DPH5: variants seen among roughly 807,000 people sequenced by gnomAD.
DPH5 encodes the protein diphthine methyl ester synthase.
DPH5 carries 31 observed loss-of-function variants against 31.6 expected under a neutral mutation model. That is an observed-to-expected ratio of 0.98 (90% CI 0.74 to 1.32). DPH5 has a LOEUF of 1.32. Ranked by LOEUF, DPH5 falls within the 40% of genes most tolerant of loss-of-function variation. The probability of loss-of-function intolerance (pLI) is 0.00; values close to 1 mark genes in which losing one functional copy is unlikely to be tolerated. For missense variants in DPH5, 309 were observed against 335.7 expected (o/e 0.92, Z 0.62); for synonymous variants, 120 against 115.0 (o/e 1.04, Z -0.28).
chr1:101,010,842 G>T (rs1659573717), intron 4 of DPH5, among the ~76,000 whole-genome samples: 2 of 152,138 alleles, frequency 1.3e-5, no homozygotes. Context: ...AGACAACACA[G>T]TTCTTTCACT....
chr1:100,989,678 T>G lies in DPH5; in HGVS notation c.*730A>C, dbSNP rs1657497546. ...CTTTTCTTGGCACTCATAACATTTTTTACCCTTTAAAACAGATTCAAGTGA... is the reference window on the plus strand; with the variant it reads ...CTTTTCTTGGCACTCATAACATTTTGTACCCTTTAAAACAGATTCAAGTGA... On this transcript the variant is annotated 3_prime_UTR_variant, in exon 8 of 8. Transcript: ENST00000370109. 6.6e-6 allele frequency: 1 copy of G among 152,340 alleles called. No individual in the cohort carries two copies. The highest frequency in any genetic ancestry group is 1.9e-4 in the East Asian group (1 of 5,184). 9.4% of individuals were successfully genotyped at this position (152,340 alleles called of 1,614,324 possible). A position where few individuals can be genotyped will look rare whatever the true frequency, so the allele number is the denominator to read the frequency against.
At chr1:100,990,673 C>A (rs1252123374) in intron 7 of DPH5, 42 bp from the exon 8 acceptor site, 3 of 1,570,460 alleles carry the variant, frequency 1.9e-6, no homozygotes, top group African/African-American at 2.7e-5. Context: ...TCAGCAAATG[C>A]ATCATCCATC....
At chr1:101,005,637 A>T (rs958423993) in intron 4 of DPH5, among the ~76,000 whole-genome samples, 1 of 152,204 alleles carries the variant, frequency 6.6e-6, no homozygotes, top group African/African-American at 2.4e-5. Flanking sequence ...TACAGCATAT[A>T]ATTTCAAAGA....
rs765340039 is a variant in DPH5 at position 100,990,638 on chromosome 1, A to G, written c.635-7T>C. Reference sequence around the variant, plus strand: ...AGTGTCTCCTCGGTAACTGCTATTAAAAAAAAAAGATACTGCTATTCAATT... The same window carrying G: ...AGTGTCTCCTCGGTAACTGCTATTAGAAAAAAAAGATACTGCTATTCAATT... On this transcript the variant is annotated splice_region_variant and splice_polypyrimidine_tract_variant and intron_variant, in intron 7 of 7. Transcript: ENST00000370109. The G allele has an allele frequency of 2.5e-6, 4 of 1,610,190 alleles. No individual in the cohort carries two copies. The highest frequency in any genetic ancestry group is 2.7e-5 in the African/African-American group (2 of 74,446).
At chr1:101,005,654 C>T (rs530836743) in intron 4 of DPH5, among the ~76,000 whole-genome samples, 12 of 152,096 alleles carry the variant, frequency 7.9e-5, no homozygotes, top group Middle Eastern at 3.4e-3. Flanking sequence ...AAGACAAGAT[C>T]GAACTCCAGG....
At chr1:101,020,116 T>G (rs1660341743) in intron 3 of DPH5, among the ~76,000 whole-genome samples, 1 of 152,168 alleles carries the variant, frequency 6.6e-6, no homozygotes, top group Non-Finnish European at 1.5e-5. Flanking sequence ...ATGGGAGCAA[T>G]TAATTACATC....
chr1:100,993,323 C>T (rs946610166), intron 6 of DPH5, among the ~76,000 whole-genome samples: 9 of 151,546 alleles, frequency 5.9e-5, no homozygotes, highest in East Asian at 3.9e-4. Context: ...GAGGCAGAGG[C>T]GGGTGGATCA....
intron 5 of DPH5, among the ~76,000 whole-genome samples, chr1:101,000,308 A>G (rs559054383): frequency 4.0e-4 from 61 of 152,342 alleles, no homozygotes; most frequent in Non-Finnish European, 7.9e-4. Context: ...AACACAGTAC[A>G]ATTCAAAGTA....
chr1:101,014,982 G>GT (rs1439398214), intron 3 of DPH5, among the ~76,000 whole-genome samples: 1 of 152,086 alleles, frequency 6.6e-6, no homozygotes, highest in Non-Finnish European at 1.5e-5. Context: ...AGTTCTCTTG[G>GT]TATTTCTACC....
intron 4 of DPH5, among the ~76,000 whole-genome samples, chr1:101,001,924 G>A (rs1192667937): frequency 2.0e-5 from 3 of 152,068 alleles, no homozygotes; most frequent in Non-Finnish European, 4.4e-5. Context: ...AGAGTTCTGA[G>A]CAATCAGAGC....
chr1:101,015,070 A>C (rs1261481172), intron 3 of DPH5, among the ~76,000 whole-genome samples: 1 of 152,154 alleles, frequency 6.6e-6, no homozygotes, highest in East Asian at 1.9e-4. Flanking sequence ...ACCCCTCCCA[A>C]ACTCCCATTA....
At chr1:101,022,644 AC>A (rs1244998679) in intron 2 of DPH5, among the ~76,000 whole-genome samples, 5 of 152,132 alleles carry the variant, frequency 3.3e-5, no homozygotes, top group African/African-American at 1.2e-4. Flanking sequence ...GATAAATAAT[AC>A]GGTTTCTTAC....
Position 101,013,779 on chromosome 1 carries a change from C to G in DPH5, c.300G>C (p.Lys100Asn), listed in dbSNP as rs1413397341. 6.2e-7 allele frequency: 1 copy of G among 1,613,120 alleles called. No homozygotes were observed. Among genetic ancestry groups the G allele is most frequent in the East Asian group, 2.2e-5 (1 of 44,862 alleles). The change falls in exon 4 of 8, where the codon AAG (lysine) becomes AAC (asparagine). Residue 100 changes from lysine to asparagine, a missense_variant. By Grantham distance (94) the Lys-to-Asn change is moderately conservative. Transcript: ENST00000370109. ...THSDLVLRAT[K>N]LGIPYRVIHN... ...GAATAACTCTATAAGGAATTCCCAG[C>G]TTTGTTGCTCTTAGAACAAGATCAC...
chr1:101,023,885 G>A (rs1289856942), intron 2 of DPH5, among the ~76,000 whole-genome samples: 1 of 152,156 alleles, frequency 6.6e-6, no homozygotes, highest in East Asian at 1.9e-4. Context: ...ACATTAACAT[G>A]TAACAAAGAT....
At chr1:100,999,974 C>A (rs900298611) in intron 5 of DPH5, among the ~76,000 whole-genome samples, 1 of 152,000 alleles carries the variant, frequency 6.6e-6, no homozygotes, top group Non-Finnish European at 1.5e-5. Context: ...GAAACCCCAT[C>A]TCTACTAAAA....
At chr1:101,020,960 A>C (rs1012987284) in intron 3 of DPH5, among the ~76,000 whole-genome samples, 4 of 152,108 alleles carry the variant, frequency 2.6e-5, no homozygotes, top group African/African-American at 9.7e-5. Context: ...ATTTAAATTA[A>C]ATTCCTAGTC....
chr1:101,019,120 T>G (rs1234286419), intron 3 of DPH5, among the ~76,000 whole-genome samples: 2 of 152,244 alleles, frequency 1.3e-5, no homozygotes, highest in African/African-American at 4.8e-5. Flanking sequence ...TTAGAAACAG[T>G]GTGTTTAATA....
intron 5 of DPH5, 61 bp from the exon 6 acceptor site, chr1:100,995,210 G>A (rs1249005828): frequency 2.5e-6 from 3 of 1,176,866 alleles, no homozygotes; most frequent in Non-Finnish European, 3.7e-6. Flanking sequence ...AACCCTATGT[G>A]TAAACCTCAG....
At chr1:101,004,315 T>C (rs546056302) in intron 4 of DPH5, among the ~76,000 whole-genome samples, 21 of 152,322 alleles carry the variant, frequency 1.4e-4, no homozygotes, top group African/African-American at 4.8e-4. Context: ...CAGTGAACTA[T>C]ACTAGAGCAA....
Sources: allele counts gnomAD v4.1 joint callset (sites outside exome capture counted in the v4.1 genomes callset), GRCh38; gene constraint gnomAD v4.1.1; transcripts MANE v1.5; gene names NCBI Gene and HGNC (gene_info 2026-07-23, HGNC 2026-07-21).